FSIP1: variants seen among roughly 807,000 people sequenced by gnomAD.
FSIP1 encodes the protein fibrous sheath interacting protein 1.
Under a neutral mutation model 60.9 loss-of-function variants are expected in FSIP1, and 65 were observed. The ratio of observed to expected loss-of-function variants is 1.07; its 90% CI spans 0.87 to 1.31. The LOEUF (loss-of-function observed/expected upper bound fraction) is 1.31, where lower values mean the gene tolerates loss of function less well. Ranked by LOEUF, FSIP1 falls within the 40% of genes most tolerant of loss-of-function variation. The pLI is 0.00. For missense variants in FSIP1, 675 were observed against 665.5 expected, an observed-to-expected ratio of 1.01 and a Z score of -0.16; for synonymous variants, 209 against 221.2, an observed-to-expected ratio of 0.94 and a Z score of 0.49.
rs79528701 is a variant in FSIP1 at position 39,703,370 on chromosome 15, T to A, written c.1188+10074A>T. On this transcript the variant is annotated intron_variant, in intron 10 of 11. Coordinates refer to ENST00000350221, the MANE Select transcript of FSIP1 (RefSeq NM_152597.5). ...TGCCTACACCTTCTATAACATATCATCTGCATTATCATAACACATGTGAAA... is the reference window on the plus strand; with the variant it reads ...TGCCTACACCTTCTATAACATATCAACTGCATTATCATAACACATGTGAAA... Among the ~76,000 whole-genome samples the A allele has an allele frequency of 4.7e-4, 71 of 151,120 alleles. No individual in the cohort carries two copies. In the East Asian group the frequency reaches 9.8e-3, roughly 21 times the overall value.
intron 5 of FSIP1, among the ~76,000 whole-genome samples, chr15:39,749,196 T>C (rs1011848926): frequency 2.1e-5 from 3 of 144,812 alleles, no homozygotes; most frequent in South Asian, 2.1e-4. Context: ...CACGACCAGA[T>C]GGTTTCATGG....
chr15:39,677,451 C>T (rs78694209), intron 10 of FSIP1, among the ~76,000 whole-genome samples: 4,003 of 150,582 alleles, frequency 0.027, 165 homozygotes, highest in African/African-American at 0.094. Context: ...TGATTCAATT[C>T]TGGTGCTTAG....
At chr15:39,729,208 C>G (rs894873198) in intron 8 of FSIP1, among the ~76,000 whole-genome samples, 2 of 152,194 alleles carry the variant, frequency 1.3e-5, no homozygotes, top group African/African-American at 4.8e-5. Context: ...AAAACACAAG[C>G]ACCATTCAAC....
intron 9 of FSIP1, among the ~76,000 whole-genome samples, chr15:39,722,946 A>G (rs1896041030): frequency 6.6e-6 from 1 of 151,898 alleles, no homozygotes. Context: ...AAAAAAAAAA[A>G]AGCTTTCTAT....
Position 39,625,118 on chromosome 15 carries a change from C to T in FSIP1, c.1189-6873G>A, listed in dbSNP as rs573776361. Among the ~76,000 whole-genome samples, 7 of 152,292 alleles carry T rather than the reference C, an allele frequency of 4.6e-5. No homozygotes were observed. The South Asian group carries it at 1.5e-3, about 32-fold the overall frequency. Reference sequence around the variant, plus strand: ...CCCATGCCTAGGCTACCCATCTTCCCCAAACAGCCGGGTGAGGCAGGGCTT... The same window carrying T: ...CCCATGCCTAGGCTACCCATCTTCCTCAAACAGCCGGGTGAGGCAGGGCTT... On this transcript the variant is annotated intron_variant, in intron 10 of 11. Coordinates refer to ENST00000350221, the MANE Select transcript of FSIP1 (RefSeq NM_152597.5).
intron 3 of FSIP1, among the ~76,000 whole-genome samples, chr15:39,766,164 C>A (rs1302317946): frequency 1.2e-4 from 19 of 152,114 alleles, no homozygotes; most frequent in Non-Finnish European, 2.2e-4. Flanking sequence ...AAAGAGAAGG[C>A]GTGTACACAA....
chr15:39,678,807 T>A (rs1335185065), intron 10 of FSIP1, among the ~76,000 whole-genome samples: 2 of 152,192 alleles, frequency 1.3e-5, no homozygotes, highest in Non-Finnish European at 2.9e-5. Context: ...ATAGCCTCAG[T>A]CTGCTTCCCT....
intron 10 of FSIP1, among the ~76,000 whole-genome samples, chr15:39,633,984 C>T (rs890603068): frequency 2.6e-5 from 4 of 152,124 alleles, no homozygotes; most frequent in African/African-American, 9.7e-5. Flanking sequence ...CCACAAGCTC[C>T]ACCACCCATC....
intron 9 of FSIP1, among the ~76,000 whole-genome samples, chr15:39,724,424 T>TG (rs1896109378): frequency 6.6e-6 from 1 of 152,032 alleles, no homozygotes; most frequent in African/African-American, 2.4e-5. Context: ...GCTAATTTTT[T>TG]GTATTTTTTA....
intron 9 of FSIP1, among the ~76,000 whole-genome samples, chr15:39,714,258 C>A (rs1895648450): frequency 6.6e-6 from 1 of 152,004 alleles, no homozygotes; most frequent in African/African-American, 2.4e-5. Context: ...TTATTGTCTG[C>A]AATATTTATA....
chr15:39,733,623 CT>C (rs1350037407), intron 8 of FSIP1, among the ~76,000 whole-genome samples: 3 of 152,176 alleles, frequency 2.0e-5, no homozygotes, highest in Non-Finnish European at 2.9e-5. Context: ...CAGCAACATA[CT>C]GAACAAATGG....
In FSIP1 at chr15:39,720,444, A is replaced by G. The variant is rs557843789; in HGVS notation, c.1050+6145T>C. Among the ~76,000 whole-genome samples the G allele has an allele frequency of 2.6e-5, 4 of 152,374 alleles. No individual in the cohort carries two copies. The East Asian group carries it at 7.7e-4, about 29-fold the overall frequency. On this transcript the variant is annotated intron_variant, in intron 9 of 11. Transcript: ENST00000350221. ...ATATTCAATTAAACTAGTTAGTTTA[A>G]GAACACAGCAATGCCTCCTGTCAAG...
chr15:39,612,006 A>G (rs796104287), intron 11 of FSIP1, among the ~76,000 whole-genome samples: 11 of 152,340 alleles, frequency 7.2e-5, no homozygotes, highest in African/African-American at 2.6e-4. Context: ...TGGAACACCT[A>G]AATACATAAA....
intron 4 of FSIP1, among the ~76,000 whole-genome samples, chr15:39,764,544 T>C (rs1897616100): frequency 6.6e-6 from 1 of 152,212 alleles, no homozygotes; most frequent in Admixed American, 6.5e-5. Context: ...ACCAATCTCT[T>C]ATGACAAGGT....
intron 5 of FSIP1, among the ~76,000 whole-genome samples, chr15:39,758,214 T>C (rs1427837803): frequency 6.6e-6 from 1 of 152,044 alleles, no homozygotes; most frequent in Admixed American, 6.6e-5. Flanking sequence ...CAGTTTTGAT[T>C]TGGTTTTGAA....
intron 5 of FSIP1, among the ~76,000 whole-genome samples, chr15:39,744,835 T>C (rs915708642): frequency 6.9e-5 from 10 of 144,560 alleles, no homozygotes; most frequent in African/African-American, 2.3e-4. Flanking sequence ...GGCCAGCCTG[T>C]GGCTTGAAGG....
intron 10 of FSIP1, among the ~76,000 whole-genome samples, chr15:39,653,969 C>T (rs527862801): frequency 6.6e-6 from 1 of 151,982 alleles, no homozygotes; most frequent in African/African-American, 2.4e-5. Context: ...TAAATAGAAA[C>T]ACACACATTA....
intron 8 of FSIP1, among the ~76,000 whole-genome samples, chr15:39,730,845 C>T (rs981172748): frequency 6.6e-6 from 1 of 152,162 alleles, no homozygotes; most frequent in African/African-American, 2.4e-5. Flanking sequence ...CTGGTGGCTG[C>T]GGAGCCACAG....
chr15:39,676,345 T>C (rs557943055), intron 10 of FSIP1, among the ~76,000 whole-genome samples: 3 of 152,278 alleles, frequency 2.0e-5, no homozygotes, highest in Non-Finnish European at 2.9e-5. Context: ...TGTGACCATT[T>C]TTGAGTGAAT....
Sources: allele counts gnomAD v4.1 joint callset (sites outside exome capture counted in the v4.1 genomes callset), GRCh38; gene constraint gnomAD v4.1.1; transcripts MANE v1.5; gene names NCBI Gene and HGNC (gene_info 2026-07-23, HGNC 2026-07-21).